The following SYNCRIP variants were observed in gnomAD, a reference collection of about 807,000 sequenced individuals.
SYNCRIP encodes the protein heterogeneous nuclear ribonucleoprotein Q.
Under a neutral mutation model 68.9 loss-of-function variants are expected in SYNCRIP, and 9 were observed. The observed-to-expected ratio is 0.13, with a 90% CI of 0.08 to 0.23. The LOEUF is 0.23. Among genes scored for constraint, SYNCRIP ranks in the 10% least tolerant of loss-of-function variants. SYNCRIP has a pLI of 1.00. For missense variants in SYNCRIP, 414 were observed against 770.6 expected, an observed-to-expected ratio of 0.54 and a Z score of 5.48; for synonymous variants, 258 against 254.0, an observed-to-expected ratio of 1.02 and a Z score of -0.15.
chr6:85,635,154 T>C (rs946384324), intron 6 of SYNCRIP, among the ~76,000 whole-genome samples: 2 of 151,936 alleles, frequency 1.3e-5, no homozygotes, highest in South Asian at 2.1e-4. Context: ...GACAGAGACT[T>C]TGTCTCAAAA....
intron 7 of SYNCRIP, 106 bp from the exon 8 acceptor site, chr6:85,622,793 C>A: frequency 1.1e-6 from 1 of 876,726 alleles, no homozygotes; most frequent in South Asian, 1.6e-5. Flanking sequence ...AATGAAAAAT[C>A]ATCTCTTTCC....
intron 7 of SYNCRIP, among the ~76,000 whole-genome samples, chr6:85,623,571 A>ACAAAAAAAAAAAAC (rs1354122072): frequency 6.8e-6 from 1 of 147,876 alleles, no homozygotes; most frequent in Non-Finnish European, 1.5e-5. Flanking sequence ...CCAAAAAAAA[A>ACAAAAAAAAAAAAC]AAAAAAAAAA....
intron 8 of SYNCRIP, among the ~76,000 whole-genome samples, chr6:85,620,425 A>C (rs1806260744): frequency 6.6e-6 from 1 of 152,238 alleles, no homozygotes; most frequent in Non-Finnish European, 1.5e-5. Flanking sequence ...GCCAATGTGA[A>C]GGTTACATAA....
At chr6:85,613,846 G>T, downstream of SYNCRIP, 1 of 431,622 alleles carries the variant, frequency 2.3e-6, no homozygotes, top group Non-Finnish European at 3.1e-6. Flanking sequence ...GGTTAGTTAG[G>T]ATAAACTTTA....
intron 10 of SYNCRIP, among the ~76,000 whole-genome samples, chr6:85,616,608 A>G (rs1805806470): frequency 1.3e-5 from 2 of 152,124 alleles, no homozygotes; most frequent in Middle Eastern, 3.2e-3. Context: ...TCAGCCTCCC[A>G]AAGTGGTGGG....
chr6:85,636,018 G>A (rs1011438743), intron 6 of SYNCRIP, among the ~76,000 whole-genome samples: 4 of 152,114 alleles, frequency 2.6e-5, no homozygotes, highest in African/African-American at 7.2e-5. Context: ...CTCCCCAGTC[G>A]TGTTGCTTGA....
Position 85,614,467 on chromosome 6 carries a change from ACACTACAGC to A in SYNCRIP, c.*280_*288del. The A allele has an allele frequency of 9.0e-7, 1 of 1,112,508 alleles. No homozygotes were observed. The highest frequency in any genetic ancestry group is 1.1e-6 in the Non-Finnish European group (1 of 912,150). The allele number at this position is 1,112,508 out of a possible 1,614,324, so 68.9% of individuals were successfully genotyped here. A position where few individuals can be genotyped will look rare whatever the true frequency, so the allele number is the denominator to read the frequency against. ...CTAAACACTACTGGAAACATCGTTG[ACACTACAGC>A]CAAATGGACTTGAGCCAAATTTTCT... On this transcript the variant is annotated 3_prime_UTR_variant, in exon 11 of 11. Coordinates refer to ENST00000369622, the MANE Select transcript of SYNCRIP (RefSeq NM_006372.5).
downstream of SYNCRIP, chr6:85,608,205 A>T (rs1011730773): frequency 6.6e-6 from 1 of 152,092 alleles, no homozygotes; most frequent in Non-Finnish European, 1.5e-5. Context: ...AGTTACTTCG[A>T]ATGTATGGAT....
At chr6:85,627,648 G>T (rs1190376485) in intron 6 of SYNCRIP, among the ~76,000 whole-genome samples, 2 of 152,106 alleles carry the variant, frequency 1.3e-5, no homozygotes, top group Non-Finnish European at 2.9e-5. Flanking sequence ...CCTAACTCAA[G>T]AAGTGTATCA....
At chr6:85,616,462 A>T (rs1805784396) in intron 10 of SYNCRIP, among the ~76,000 whole-genome samples, 1 of 152,100 alleles carries the variant, frequency 6.6e-6, no homozygotes, top group Admixed American at 6.5e-5. Flanking sequence ...AGTAGCTGGG[A>T]CTATAGGCAT....
chr6:85,641,658 C>G (rs1809173375), intron 1 of SYNCRIP, among the ~76,000 whole-genome samples: 1 of 152,130 alleles, frequency 6.6e-6, no homozygotes, highest in South Asian at 2.1e-4. Flanking sequence ...TCTTCCTCAG[C>G]ACCACCCCTG....
At chr6:85,624,165 A>C in intron 6 of SYNCRIP, 53 bp from the exon 7 acceptor site, 1 of 1,531,986 alleles carries the variant, frequency 6.5e-7, no homozygotes, top group East Asian at 2.3e-5. Flanking sequence ...CAACTAGAAC[A>C]GTTAATTATA....
intron 8 of SYNCRIP, 48 bp downstream of exon 8, chr6:85,622,434 T>G: frequency 4.9e-4 from 557 of 1,138,438 alleles, no homozygotes; most frequent in Middle Eastern, 5.9e-4. Context: ...ACCCCGGCCC[T>G]TCTCCCATTA....
At chr6:85,615,405 G>T in intron 10 of SYNCRIP, 58 bp from the exon 11 acceptor site, 1 of 1,152,764 alleles carries the variant, frequency 8.7e-7, no homozygotes, top group Non-Finnish European at 1.2e-6. Flanking sequence ...TAACAAGTAG[G>T]CATTTAGCCA....
chr6:85,631,206 G>C (rs1425411768), intron 6 of SYNCRIP, among the ~76,000 whole-genome samples: 1 of 152,140 alleles, frequency 6.6e-6, no homozygotes. Flanking sequence ...AGCCAGGCGT[G>C]GTGGCACACA....
chr6:85,613,932 C>T, downstream of SYNCRIP: 1 of 968,678 alleles, frequency 1.0e-6, no homozygotes, highest in Middle Eastern at 5.3e-4. Context: ...TTATACAGTT[C>T]ATTCATCACA....
intron 7 of SYNCRIP, 51 bp from the exon 8 acceptor site, chr6:85,622,738 A>C: frequency 1.4e-6 from 2 of 1,420,750 alleles, no homozygotes; most frequent in Non-Finnish European, 2.0e-6. Flanking sequence ...ACTAGCAAAT[A>C]CAAGTGGATC....
chr6:85,643,704 TGCTGTGG>T (rs944212422), upstream of SYNCRIP: 7 of 149,800 alleles, frequency 4.7e-5, no homozygotes, highest in African/African-American at 1.5e-4. Context: ...CGGGGCAGAG[TGCTGTGG>T]GCGCTGAGTG....
At chr6:85,619,505 A>C in intron 8 of SYNCRIP, 88 bp from the exon 9 acceptor site, 1 of 1,203,330 alleles carries the variant, frequency 8.3e-7, no homozygotes, top group Non-Finnish European at 1.2e-6. Flanking sequence ...GTTAACTCAA[A>C]TCACAATCCA....
Sources: gnomAD v4.1 joint callset for allele counts (sites outside exome capture counted in the v4.1 genomes callset) on GRCh38, gnomAD v4.1.1 for gene constraint, MANE v1.5 for transcripts, NCBI Gene and HGNC (gene_info 2026-07-23, HGNC 2026-07-21) for gene names.